OR1J2: variants seen among roughly 807,000 people sequenced by gnomAD.
The protein encoded by OR1J2 is olfactory receptor family 1 subfamily J member 2, also known as olfactory receptor 1J2.
For missense variants in OR1J2, 304 were observed against 246.1 expected (o/e 1.24, Z -1.57); for synonymous variants, 142 against 99.7 (o/e 1.42, Z -2.52).
chr9:122,557,669 T>C, the OR1J2 span, among the ~76,000 whole-genome samples: 1 of 152,094 alleles, frequency 6.6e-6, no homozygotes, highest in Admixed American at 6.6e-5. Context: ...TGTAGTTTTC[T>C]TTTCTTGTAA....
chr9:122,570,430 G>C, the OR1J2 span, among the ~76,000 whole-genome samples: 1 of 152,080 alleles, frequency 6.6e-6, no homozygotes, highest in Admixed American at 6.6e-5. Context: ...TTAAATGTTG[G>C]CTATTTATAT....
chr9:122,473,245 C>T, the OR1J2 span, among the ~76,000 whole-genome samples: 1 of 152,160 alleles, frequency 6.6e-6, no homozygotes, highest in Non-Finnish European at 1.5e-5. Flanking sequence ...ATCTCAGCTC[C>T]AACCCTCTGT....
the OR1J2 span, among the ~76,000 whole-genome samples, chr9:122,545,009 C>T: frequency 2.6e-5 from 4 of 152,222 alleles, no homozygotes; most frequent in East Asian, 3.9e-4. Flanking sequence ...ACTTTAGCTG[C>T]GTTTCCAACA....
At chr9:122,481,997 C>CA in the OR1J2 span, among the ~76,000 whole-genome samples, 1 of 151,704 alleles carries the variant, frequency 6.6e-6, no homozygotes, top group Non-Finnish European at 1.5e-5. Flanking sequence ...GTAACAAAAG[C>CA]AAAAATAGAC....
chr9:122,496,595 C>T, the OR1J2 span, among the ~76,000 whole-genome samples: 19 of 152,122 alleles, frequency 1.2e-4, no homozygotes, highest in Admixed American at 3.3e-4. Context: ...TCTGATGACA[C>T]GTGCCCAAGG....
downstream of OR1J2, among the ~76,000 whole-genome samples, chr9:122,512,410 G>A (rs1828651772): frequency 6.6e-6 from 1 of 152,168 alleles, no homozygotes; most frequent in Non-Finnish European, 1.5e-5. Context: ...GTAGAATTTT[G>A]GGTGAGGTCT....
chr9:122,483,468 T>C, the OR1J2 span, among the ~76,000 whole-genome samples: 1 of 152,186 alleles, frequency 6.6e-6, no homozygotes, highest in African/African-American at 2.4e-5. Flanking sequence ...TATTTAAAAA[T>C]TAATTTAGGG....
the OR1J2 span, chr9:122,553,655 G>T: frequency 6.2e-7 from 1 of 1,614,060 alleles, no homozygotes; most frequent in South Asian, 1.1e-5. Context: ...CACTAATGCT[G>T]GGTGTGTGCT....
chr9:122,554,086 T>C, the OR1J2 span: 9 of 1,613,594 alleles, frequency 5.6e-6, no homozygotes, highest in African/African-American at 1.3e-5. Context: ...AACCCATTCA[T>C]TTATAGCTTG....
the OR1J2 span, among the ~76,000 whole-genome samples, chr9:122,521,249 C>G: frequency 2.0e-5 from 3 of 152,180 alleles, no homozygotes; most frequent in Non-Finnish European, 4.4e-5. Context: ...AGTTTTGAAG[C>G]AGAACTTGTG....
the OR1J2 span, among the ~76,000 whole-genome samples, chr9:122,534,727 G>T: frequency 6.6e-6 from 1 of 152,134 alleles, no homozygotes; most frequent in Non-Finnish European, 1.5e-5. Context: ...GATGCTTGGG[G>T]TTGGGACTGA....
chr9:122,512,993 G>C (rs927665334), downstream of OR1J2, among the ~76,000 whole-genome samples: 8 of 152,168 alleles, frequency 5.3e-5, no homozygotes, highest in Non-Finnish European at 8.8e-5. Flanking sequence ...AACACTAGAT[G>C]ATTTCAGAAA....
At chr9:122,480,680 G>A in the OR1J2 span, among the ~76,000 whole-genome samples, 1 of 151,940 alleles carries the variant, frequency 6.6e-6, no homozygotes, top group Non-Finnish European at 1.5e-5. Context: ...TGCACAACAT[G>A]CAGGTTTGTT....
chr9:122,508,427 A>T (rs1159726556), upstream of OR1J2, among the ~76,000 whole-genome samples: 1 of 152,174 alleles, frequency 6.6e-6, no homozygotes, highest in South Asian at 2.1e-4. Flanking sequence ...CCAGAAGCTC[A>T]TTGGATGGAT....
the OR1J2 span, among the ~76,000 whole-genome samples, chr9:122,529,509 C>T: frequency 6.6e-6 from 1 of 152,190 alleles, no homozygotes; most frequent in Admixed American, 6.5e-5. Flanking sequence ...TCAGAAAACT[C>T]CCCAAATCCT....
the OR1J2 span, chr9:122,553,474 T>G: frequency 6.2e-7 from 1 of 1,614,118 alleles, no homozygotes; most frequent in Admixed American, 1.7e-5. Flanking sequence ...CTGGCCAACA[T>G]TCATACCCAG....
At chr9:122,550,460 A>T in the OR1J2 span, among the ~76,000 whole-genome samples, 1 of 152,154 alleles carries the variant, frequency 6.6e-6, no homozygotes, top group East Asian at 1.9e-4. Context: ...AAAACTACAG[A>T]CCAATATTTG....
chr9:122,568,054 A>AGTG, the OR1J2 span: 1 of 1,614,040 alleles, frequency 6.2e-7, no homozygotes, highest in Non-Finnish European at 8.5e-7. Flanking sequence ...AGCAGGACAC[A>AGTG]GTGGTGGTGG....
chr9:122,540,888 G>A, the OR1J2 span, among the ~76,000 whole-genome samples: 1 of 152,102 alleles, frequency 6.6e-6, no homozygotes, highest in African/African-American at 2.4e-5. Flanking sequence ...ATTGTGAATG[G>A]GAGTTCACTC....
Sources: allele counts gnomAD v4.1 joint callset (sites outside exome capture counted in the v4.1 genomes callset), GRCh38; gene constraint gnomAD v4.1.1; transcripts MANE v1.5; gene names NCBI Gene and HGNC (gene_info 2026-07-23, HGNC 2026-07-21).